The following ANO10 variants were observed in gnomAD, a reference collection of about 807,000 sequenced individuals.
The protein encoded by ANO10 is anoctamin-10.
ANO10 carries 77 observed loss-of-function variants against 74.7 expected under a neutral mutation model. The ratio of observed to expected loss-of-function variants is 1.03; its 90% CI spans 0.86 to 1.25. ANO10 has a LOEUF of 1.25. Ranked by LOEUF, ANO10 falls within the 50% of genes most tolerant of loss-of-function variation. The pLI, the probability that ANO10 is intolerant of heterozygous loss-of-function variation, is 0.00. For missense variants in ANO10, 721 were observed against 778.1 expected (o/e 0.93, Z 0.87); for synonymous variants, 279 against 284.9 (o/e 0.98, Z 0.21).
At chr3:43,411,708 G>A (rs903931815) in intron 12 of ANO10, among the ~76,000 whole-genome samples, 1 of 152,112 alleles carries the variant, frequency 6.6e-6, no homozygotes, top group Non-Finnish European at 1.5e-5. Context: ...CTACAAAAAA[G>A]CAGATGGTTT....
chr3:43,458,249 G>T (rs2075226208), intron 11 of ANO10, among the ~76,000 whole-genome samples: 1 of 152,024 alleles, frequency 6.6e-6, no homozygotes, highest in Admixed American at 6.6e-5. Context: ...CCCTGCAATG[G>T]AGACCACTGT....
rs773782899 is a variant in ANO10 at position 43,432,606 on chromosome 3, C to G, written c.1914+5G>C. On this transcript the variant is annotated splice_donor_5th_base_variant and intron_variant, in intron 12 of 12. Coordinates refer to ENST00000292246, the MANE Select transcript of ANO10 (RefSeq NM_018075.5). ...TACATACATTTTCAGGACAGCTGCTCTCACCTGCTGCTTGAGTGCCTCCAA... is the reference window on the plus strand; with the variant it reads ...TACATACATTTTCAGGACAGCTGCTGTCACCTGCTGCTTGAGTGCCTCCAA... The G allele has an allele frequency of 1.9e-6, 3 of 1,593,712 alleles. No homozygotes were observed. The highest frequency in any genetic ancestry group is 2.6e-6 in the Non-Finnish European group (3 of 1,161,378).
intron 1 of ANO10, among the ~76,000 whole-genome samples, chr3:43,653,854 A>G (rs758364056): frequency 2.0e-5 from 3 of 152,126 alleles, no homozygotes; most frequent in Non-Finnish European, 4.4e-5. Flanking sequence ...AAGTTGCTTG[A>G]ATGAATAAGT....
At chr3:43,372,893 T>C (rs1175329531) in intron 12 of ANO10, 24 of 1,519,952 alleles carry the variant, frequency 1.6e-5, no homozygotes, top group Non-Finnish European at 2.1e-5. Flanking sequence ...GTAACCTCAG[T>C]GTAATTCCGA....
intron 11 of ANO10, among the ~76,000 whole-genome samples, chr3:43,488,606 A>C (rs1427240054): frequency 6.6e-6 from 1 of 151,678 alleles, no homozygotes; most frequent in Non-Finnish European, 1.5e-5. Context: ...AATGCAAATC[A>C]AAACCACAAT....
chr3:43,375,376 AG>A (rs1559487815), intron 12 of ANO10, among the ~76,000 whole-genome samples: 1 of 152,152 alleles, frequency 6.6e-6, no homozygotes, highest in African/African-American at 2.4e-5. Flanking sequence ...TGAACCCGAG[AG>A]GTGGAGGTGG....
At chr3:43,635,253 T>G (rs1190342751) in intron 1 of ANO10, among the ~76,000 whole-genome samples, 1 of 152,212 alleles carries the variant, frequency 6.6e-6, no homozygotes, top group Non-Finnish European at 1.5e-5. Flanking sequence ...ATCCATCTCT[T>G]CAAGCACAGA....
At chr3:43,435,480 G>A (rs946358920) in intron 11 of ANO10, among the ~76,000 whole-genome samples, 11 of 144,372 alleles carry the variant, frequency 7.6e-5, no homozygotes, top group African/African-American at 2.8e-4. Flanking sequence ...CTGCACTCCA[G>A]CCTGGGTGAC....
chr3:43,571,593 C>T (rs1327764678), intron 7 of ANO10, among the ~76,000 whole-genome samples: 1 of 151,610 alleles, frequency 6.6e-6, no homozygotes, highest in Non-Finnish European at 1.5e-5. Context: ...GAACAAAAAA[C>T]CAAACACTGC....
Position 43,470,772 on chromosome 3 carries a change from G to A in ANO10, c.1798-38045C>T, listed in dbSNP as rs149776073. Among the ~76,000 whole-genome samples, 723 of 151,852 alleles carry A rather than the reference G, an allele frequency of 4.8e-3. 6 individuals carry two copies. The highest frequency in any genetic ancestry group is 0.017 in the African/African-American group (693 of 41,416). On this transcript the variant is annotated intron_variant, in intron 11 of 12. Coordinates refer to ENST00000292246, the MANE Select transcript of ANO10 (RefSeq NM_018075.5). The stretch of plus-strand genomic sequence containing the variant: ...TTCCTGAGTAGCTGAGAGTACAGCC[G>A]CATCTCACCACACACACAGCTAATT...
At chr3:43,492,167 C>G (rs2076747965) in intron 11 of ANO10, among the ~76,000 whole-genome samples, 1 of 152,172 alleles carries the variant, frequency 6.6e-6, no homozygotes, top group Non-Finnish European at 1.5e-5. Context: ...TTTGACAAAC[C>G]TGACACACAC....
chr3:43,626,590 C>A (rs2083494749), upstream of ANO10, among the ~76,000 whole-genome samples: 1 of 152,176 alleles, frequency 6.6e-6, no homozygotes, highest in African/African-American at 2.4e-5. Context: ...CATGAGCCAC[C>A]ATGCCCAGCC....
intron 11 of ANO10, among the ~76,000 whole-genome samples, chr3:43,462,293 G>A (rs559064925): frequency 2.0e-5 from 3 of 152,118 alleles, no homozygotes; most frequent in East Asian, 3.9e-4. Context: ...GCAACGGTAC[G>A]ATCTTGGCTC....
At chr3:43,482,361 C>G (rs903313459) in intron 11 of ANO10, among the ~76,000 whole-genome samples, 6 of 152,154 alleles carry the variant, frequency 3.9e-5, no homozygotes, top group African/African-American at 1.4e-4. Context: ...GAATAAGTCT[C>G]TTCAAATACT....
chr3:43,566,108 G>A (rs2149362389), intron 7 of ANO10, among the ~76,000 whole-genome samples: 1 of 152,296 alleles, frequency 6.6e-6, no homozygotes, highest in Non-Finnish European at 1.5e-5. Flanking sequence ...ACTCCCACCA[G>A]AATACTGCGC....
intron 11 of ANO10, among the ~76,000 whole-genome samples, chr3:43,520,110 G>T (rs1258227961): frequency 6.6e-6 from 1 of 152,102 alleles, no homozygotes; most frequent in Non-Finnish European, 1.5e-5. Flanking sequence ...TCCACAACCA[G>T]TGAAATGTGA....
intron 11 of ANO10, among the ~76,000 whole-genome samples, chr3:43,476,959 G>GT (rs199937334): frequency 0.013 from 1,926 of 151,824 alleles, 18 homozygotes; most frequent in Non-Finnish European, 0.017. Flanking sequence ...AGATACAAGA[G>GT]TTTTTTTTTC....
chr3:43,491,943 C>T (rs1215161316), intron 11 of ANO10, among the ~76,000 whole-genome samples: 2 of 152,054 alleles, frequency 1.3e-5, no homozygotes, highest in Non-Finnish European at 2.9e-5. Flanking sequence ...CAAATAGGAA[C>T]AGCTCCGGTC....
chr3:43,599,709 T>C (rs541069735), intron 3 of ANO10, among the ~76,000 whole-genome samples: 116 of 152,082 alleles, frequency 7.6e-4, no homozygotes, highest in African/African-American at 2.6e-3. Flanking sequence ...ATCGAAATCA[T>C]CCTGGCTAAC....
Sources: gnomAD v4.1 joint callset for allele counts (sites outside exome capture counted in the v4.1 genomes callset) on GRCh38, gnomAD v4.1.1 for gene constraint, MANE v1.5 for transcripts, NCBI Gene and HGNC (gene_info 2026-07-23, HGNC 2026-07-21) for gene names.